Variants in PTPRK observed in about 807,000 individuals in gnomAD.
The protein encoded by PTPRK is protein tyrosine phosphatase receptor type K.
In PTPRK, 75 loss-of-function variants were observed where a neutral mutation model predicts 178.0. The ratio of observed to expected loss-of-function variants is 0.42; its 90% CI spans 0.35 to 0.51. The LOEUF (loss-of-function observed/expected upper bound fraction) is 0.51. PTPRK is among the 20% of genes least tolerant of loss of function. The pLI, the probability that PTPRK is intolerant of heterozygous loss-of-function variation, is 0.02. For synonymous variants in PTPRK, 637 were observed against 620.6 expected (o/e 1.03, Z -0.39); for missense variants, 1,441 against 1,797.8 (o/e 0.80, Z 3.59).
chr6:128,169,911 TAC>T (rs906547663), intron 7 of PTPRK, among the ~76,000 whole-genome samples: 2 of 151,848 alleles, frequency 1.3e-5, no homozygotes, highest in Non-Finnish European at 2.9e-5. Context: ...TATGGGATAA[TAC>T]AGTTTACTTT....
intron 2 of PTPRK, among the ~76,000 whole-genome samples, chr6:128,332,118 G>A (rs752658309): frequency 2.0e-5 from 3 of 151,994 alleles, no homozygotes; most frequent in Non-Finnish European, 2.9e-5. Context: ...TTAGAAACCT[G>A]GCCAAGCATT....
intron 8 of PTPRK, among the ~76,000 whole-genome samples, chr6:128,089,267 C>T (rs1489816380): frequency 6.6e-6 from 1 of 152,150 alleles, no homozygotes; most frequent in African/African-American, 2.4e-5. Flanking sequence ...CCCGGCCCAA[C>T]AGTGTTGTTT....
At chr6:128,072,129 T>A (rs568587491) in intron 11 of PTPRK, among the ~76,000 whole-genome samples, 1 of 152,026 alleles carries the variant, frequency 6.6e-6, no homozygotes, top group Admixed American at 6.6e-5. Context: ...ACTCTACCCA[T>A]AGTTAATATA....
intron 13 of PTPRK, among the ~76,000 whole-genome samples, chr6:128,035,841 C>G (rs1776120155): frequency 6.6e-6 from 1 of 152,140 alleles, no homozygotes; most frequent in Non-Finnish European, 1.5e-5. Flanking sequence ...GATAGACATC[C>G]TGAGATCTAC....
chr6:128,435,705 C>T (rs942501796), intron 1 of PTPRK, among the ~76,000 whole-genome samples: 1 of 152,156 alleles, frequency 6.6e-6, no homozygotes, highest in African/African-American at 2.4e-5. Context: ...AGGGACGAAT[C>T]ACAAAGAGAT....
chr6:128,001,276 C>T, intron 15 of PTPRK: 4 of 1,253,912 alleles, frequency 3.2e-6, no homozygotes, highest in Non-Finnish European at 4.5e-6. Context: ...TTTCTAAGCC[C>T]TTTTAAATCA....
chr6:128,182,221 G>GA (rs922877525), intron 7 of PTPRK, among the ~76,000 whole-genome samples: 1 of 152,038 alleles, frequency 6.6e-6, no homozygotes, highest in African/African-American at 2.4e-5. Flanking sequence ...ATGTTTCTCA[G>GA]AAAAAAGAAT....
At chr6:128,302,298 A>T (rs926142587) in intron 3 of PTPRK, among the ~76,000 whole-genome samples, 1 of 150,942 alleles carries the variant, frequency 6.6e-6, no homozygotes, top group African/African-American at 2.4e-5. Flanking sequence ...AGGCTGCGGC[A>T]TAAGAATGGT....
At chr6:128,139,840 T>C (rs549700809) in intron 7 of PTPRK, among the ~76,000 whole-genome samples, 2 of 152,184 alleles carry the variant, frequency 1.3e-5, no homozygotes, top group Admixed American at 6.6e-5. Flanking sequence ...TTGGTTTCAA[T>C]TCTATACTTA....
At chr6:128,366,112 A>C (rs1382321602) in intron 2 of PTPRK, among the ~76,000 whole-genome samples, 1 of 152,132 alleles carries the variant, frequency 6.6e-6, no homozygotes. Flanking sequence ...TTGTCAGTAA[A>C]GGGTCACACA....
intron 11 of PTPRK, among the ~76,000 whole-genome samples, chr6:128,073,528 A>G (rs757422761): frequency 1.1e-4 from 16 of 152,004 alleles, no homozygotes; most frequent in Non-Finnish European, 1.8e-4. Context: ...CTCTTCCTGC[A>G]TAACATATTA....
intron 3 of PTPRK, among the ~76,000 whole-genome samples, chr6:128,292,723 C>T (rs1823598558): frequency 1.3e-5 from 2 of 152,008 alleles, no homozygotes; most frequent in Admixed American, 1.3e-4. Flanking sequence ...ATAGATAATC[C>T]TACTCTGTGT....
At chr6:127,981,081 A>G in intron 25 of PTPRK, 35 bp downstream of exon 25, 1 of 1,583,392 alleles carries the variant, frequency 6.3e-7, no homozygotes, top group South Asian at 1.1e-5. Flanking sequence ...AGCTTTCCAC[A>G]ACACTCTACA....
intron 29 of PTPRK, among the ~76,000 whole-genome samples, chr6:127,971,677 T>C (rs979959024): frequency 5.4e-4 from 82 of 152,234 alleles, no homozygotes; most frequent in African/African-American, 2.0e-3. Context: ...AGGAAAATAG[T>C]AACTTTTTGG....
intron 11 of PTPRK, among the ~76,000 whole-genome samples, chr6:128,077,532 T>C (rs1233003136): frequency 6.7e-6 from 1 of 150,098 alleles, no homozygotes; most frequent in Non-Finnish European, 1.5e-5. Context: ...TTTTGGTTAT[T>C]TGGATGGCTA....
At chr6:128,201,375 G>A (rs1805917361) in intron 6 of PTPRK, among the ~76,000 whole-genome samples, 2 of 152,216 alleles carry the variant, frequency 1.3e-5, no homozygotes, top group African/African-American at 2.4e-5. Context: ...ACAAAGCCAT[G>A]CTGAAATCAA....
chr6:128,335,982 C>T (rs938966636), intron 2 of PTPRK, among the ~76,000 whole-genome samples: 1 of 152,008 alleles, frequency 6.6e-6, no homozygotes, highest in Admixed American at 6.5e-5. Context: ...AAAAAATAGC[C>T]AAAACACATC....
intron 1 of PTPRK, among the ~76,000 whole-genome samples, chr6:128,400,603 A>C (rs1840891037): frequency 6.6e-6 from 1 of 152,196 alleles, no homozygotes; most frequent in Admixed American, 6.5e-5. Context: ...AGGGAAACAG[A>C]GGAAAATAAT....
At chr6:128,286,253 G>C (rs919881743) in intron 3 of PTPRK, among the ~76,000 whole-genome samples, 2 of 151,976 alleles carry the variant, frequency 1.3e-5, no homozygotes, top group Non-Finnish European at 2.9e-5. Context: ...TGTGCTCTTC[G>C]AACTGTGCGT....
Sources: gnomAD v4.1 joint callset for allele counts (sites outside exome capture counted in the v4.1 genomes callset) on GRCh38, gnomAD v4.1.1 for gene constraint, MANE v1.5 for transcripts, NCBI Gene and HGNC (gene_info 2026-07-23, HGNC 2026-07-21) for gene names.